Variants in SLIT3 observed in about 807,000 individuals in gnomAD.
The protein encoded by SLIT3 is slit guidance ligand 3.
In SLIT3, 68 loss-of-function variants were observed where a neutral mutation model predicts 184.0. The ratio of observed to expected loss-of-function variants is 0.37; its 90% CI spans 0.30 to 0.45. The LOEUF (loss-of-function observed/expected upper bound fraction) is 0.45. SLIT3 is among the 20% of genes least tolerant of loss of function. SLIT3 has a pLI of 1.00. For missense variants in SLIT3, 1,707 were observed against 2,026.0 expected, an observed-to-expected ratio of 0.84 and a Z score of 3.02; for synonymous variants, 831 against 828.6, an observed-to-expected ratio of 1.00 and a Z score of -0.05.
At chr5:169,216,663 G>A (rs1022981256) in intron 3 of SLIT3, among the ~76,000 whole-genome samples, 2 of 152,160 alleles carry the variant, frequency 1.3e-5, no homozygotes, top group East Asian at 1.9e-4. Context: ...GATTTCATCT[G>A]TAATTCCTCG....
chr5:169,012,919 C>T (rs959767421), intron 4 of SLIT3: 5 of 152,188 alleles, frequency 3.3e-5, no homozygotes, highest in South Asian at 2.1e-4. Flanking sequence ...TCACTTTCTG[C>T]GTCTATCAAA....
At chr5:169,041,930 G>A (rs535287659) in intron 4 of SLIT3, among the ~76,000 whole-genome samples, 8 of 152,284 alleles carry the variant, frequency 5.3e-5, no homozygotes, top group African/African-American at 1.9e-4. Context: ...TCCCTTCCTG[G>A]AAATGAATAG....
At chr5:169,141,477 T>A (rs917847713) in intron 4 of SLIT3, among the ~76,000 whole-genome samples, 10 of 151,934 alleles carry the variant, frequency 6.6e-5, no homozygotes, top group African/African-American at 2.4e-4. Context: ...TGGTGGCTCA[T>A]GCCTGTAATC....
At chr5:169,135,653 A>G (rs1391176921) in intron 4 of SLIT3, among the ~76,000 whole-genome samples, 2 of 152,116 alleles carry the variant, frequency 1.3e-5, no homozygotes, top group East Asian at 3.8e-4. Flanking sequence ...GAGTCATGAT[A>G]TAAATTATAC....
At chr5:168,964,898 C>A (rs1207335276) in intron 4 of SLIT3, among the ~76,000 whole-genome samples, 1 of 152,192 alleles carries the variant, frequency 6.6e-6, no homozygotes, top group African/African-American at 2.4e-5. Context: ...GTGAAGAAGG[C>A]TCTAAAAGAT....
At chr5:169,191,401 C>T (rs989386796) in intron 4 of SLIT3, among the ~76,000 whole-genome samples, 98 of 152,282 alleles carry the variant, frequency 6.4e-4, no homozygotes, top group African/African-American at 2.3e-3. Flanking sequence ...GGTAATTTAC[C>T]TCAGTGCTTG....
intron 23 of SLIT3, among the ~76,000 whole-genome samples, chr5:168,719,771 T>C (rs1319088961): frequency 6.6e-6 from 1 of 152,220 alleles, no homozygotes; most frequent in Non-Finnish European, 1.5e-5. Context: ...AGAAAGGACA[T>C]TTTTACTTTT....
At chr5:169,231,334 C>T (rs1026994910) in intron 3 of SLIT3, among the ~76,000 whole-genome samples, 4 of 152,304 alleles carry the variant, frequency 2.6e-5, no homozygotes, top group African/African-American at 4.8e-5. Context: ...GCTGATGACA[C>T]GCCCCAGAAA....
At chr5:168,774,933 C>T (rs1303507534) in intron 12 of SLIT3, among the ~76,000 whole-genome samples, 2 of 152,152 alleles carry the variant, frequency 1.3e-5, no homozygotes, top group Non-Finnish European at 2.9e-5. Context: ...CATGTGCACA[C>T]CCACAGAGAG....
At chr5:168,958,868 C>G (rs1344568092) in intron 4 of SLIT3, among the ~76,000 whole-genome samples, 1 of 152,256 alleles carries the variant, frequency 6.6e-6, no homozygotes, top group Non-Finnish European at 1.5e-5. Flanking sequence ...GGATCTCCTT[C>G]CTATCCATGG....
intron 4 of SLIT3, chr5:169,037,599 C>T (rs1196864456): frequency 6.6e-6 from 1 of 152,242 alleles, no homozygotes; most frequent in Non-Finnish European, 1.5e-5. Flanking sequence ...AACATCAAAG[C>T]CTCGTCAAGG....
At chr5:168,868,879 A>T (rs1759410554) in intron 5 of SLIT3, among the ~76,000 whole-genome samples, 1 of 152,192 alleles carries the variant, frequency 6.6e-6, no homozygotes, top group Non-Finnish European at 1.5e-5. Flanking sequence ...TGTGCCCAAG[A>T]TCACCAGCTA....
chr5:169,297,693 C>T (rs576175280), intron 1 of SLIT3, among the ~76,000 whole-genome samples: 1 of 152,312 alleles, frequency 6.6e-6, no homozygotes, highest in East Asian at 1.9e-4. Context: ...AAAGGCTCAC[C>T]AAAGCAAGTT....
chr5:169,162,790 G>A (rs1762520106), intron 4 of SLIT3, among the ~76,000 whole-genome samples: 1 of 152,188 alleles, frequency 6.6e-6, no homozygotes, highest in Non-Finnish European at 1.5e-5. Context: ...CAATGACCTT[G>A]TATGATGCCT....
rs1029248076 is a variant in SLIT3 at position 168,749,216 on chromosome 5, T to A, written c.2137+256A>T. Among the ~76,000 whole-genome samples, 3 of 152,248 alleles carry A rather than the reference T, an allele frequency of 2.0e-5. No homozygotes were observed. In the East Asian group the frequency reaches 5.8e-4, roughly 29 times the overall value. On this transcript the variant is annotated intron_variant, in intron 19 of 35. Transcript: ENST00000519560. ...CTTGTTTTAATGGACAGGTGTCTTG[T>A]CTTAATGAAATCAATATATTATGAC...
intron 6 of SLIT3, among the ~76,000 whole-genome samples, chr5:168,839,730 A>T (rs1475126263): frequency 4.6e-5 from 7 of 152,144 alleles, no homozygotes; most frequent in Non-Finnish European, 1.0e-4. Flanking sequence ...AATAATACCC[A>T]AAACTTAATG....
At chr5:169,067,739 G>T (rs1433339967) in intron 4 of SLIT3, among the ~76,000 whole-genome samples, 1 of 152,182 alleles carries the variant, frequency 6.6e-6, no homozygotes, top group Admixed American at 6.5e-5. Context: ...ACCACACAGA[G>T]CATCAAGACA....
intron 4 of SLIT3, among the ~76,000 whole-genome samples, chr5:168,960,471 G>C (rs899873392): frequency 7.2e-5 from 11 of 152,346 alleles, no homozygotes; most frequent in Non-Finnish European, 1.6e-4. Flanking sequence ...TTTACATGCA[G>C]AGGAAGCTCA....
intron 20 of SLIT3, among the ~76,000 whole-genome samples, chr5:168,745,072 G>C (rs990621996): frequency 1.3e-5 from 2 of 152,188 alleles, no homozygotes; most frequent in African/African-American, 4.8e-5. Flanking sequence ...GGTCAAAATA[G>C]CAACATTAAT....
Sources: allele counts gnomAD v4.1 joint callset (sites outside exome capture counted in the v4.1 genomes callset), GRCh38; gene constraint gnomAD v4.1.1; transcripts MANE v1.5; gene names NCBI Gene and HGNC (gene_info 2026-07-23, HGNC 2026-07-21).